Variants in PDZRN4 observed in about 807,000 individuals in gnomAD.
PDZRN4 encodes PDZ domain containing ring finger 4.
A neutral mutation model predicts 99.0 loss-of-function variants in PDZRN4; 70 were observed. The observed-to-expected ratio is 0.71, with a 90% CI of 0.58 to 0.86. The LOEUF is 0.86. PDZRN4 is among the 40% of genes least tolerant of loss of function. The pLI is 0.00. For missense variants in PDZRN4, 1,474 were observed against 1,331.2 expected (o/e 1.11, Z -1.67); for synonymous variants, 551 against 501.6 (o/e 1.10, Z -1.32).
At chr12:41,278,506 T>A (rs755786662) in intron 3 of PDZRN4, among the ~76,000 whole-genome samples, 3 of 152,196 alleles carry the variant, frequency 2.0e-5, no homozygotes, top group Non-Finnish European at 2.9e-5. Context: ...TATGGTGCAA[T>A]ATAAAGCATT....
chr12:41,221,618 A>T (rs1016943470), intron 3 of PDZRN4, among the ~76,000 whole-genome samples: 13 of 152,114 alleles, frequency 8.5e-5, no homozygotes, highest in African/African-American at 3.1e-4. Flanking sequence ...AGGAATTTTT[A>T]AAAGTGTAGT....
At chr12:41,533,707 A>T (rs894607121) in intron 5 of PDZRN4, among the ~76,000 whole-genome samples, 1 of 151,970 alleles carries the variant, frequency 6.6e-6, no homozygotes, top group Non-Finnish European at 1.5e-5. Context: ...GTATAGCTGG[A>T]TTATTATTGC....
chr12:41,472,003 C>CTG (rs561834660), intron 3 of PDZRN4, among the ~76,000 whole-genome samples: 1 of 140,182 alleles, frequency 7.1e-6, no homozygotes, highest in Non-Finnish European at 1.5e-5. Flanking sequence ...TTCTATATTA[C>CTG]TTTTTTTTTT....
intron 3 of PDZRN4, among the ~76,000 whole-genome samples, chr12:41,485,129 T>A (rs150626144): frequency 1.2e-4 from 18 of 152,262 alleles, no homozygotes; most frequent in African/African-American, 3.9e-4. Context: ...TAAGTTGCAG[T>A]AAATGCTAAT....
intron 3 of PDZRN4, among the ~76,000 whole-genome samples, chr12:41,353,390 G>A (rs1951905026): frequency 6.6e-6 from 1 of 152,036 alleles, no homozygotes; most frequent in African/African-American, 2.4e-5. Context: ...ATTGGTAGGA[G>A]TCAGACCTTA....
intron 3 of PDZRN4, among the ~76,000 whole-genome samples, chr12:41,357,208 C>T (rs376254445): frequency 2.9e-4 from 44 of 151,928 alleles, no homozygotes; most frequent in African/African-American, 9.6e-4. Context: ...CACAAAAACA[C>T]GAACACACAC....
intron 3 of PDZRN4, among the ~76,000 whole-genome samples, chr12:41,397,783 T>C (rs969488362): frequency 1.3e-5 from 2 of 152,166 alleles, no homozygotes; most frequent in Admixed American, 1.3e-4. Context: ...GAACTAATAA[T>C]ACTTTTATTA....
chr12:41,465,019 T>G (rs1193466573), intron 3 of PDZRN4, among the ~76,000 whole-genome samples: 1 of 152,070 alleles, frequency 6.6e-6, no homozygotes, highest in Non-Finnish European at 1.5e-5. Flanking sequence ...GAGATGGGGT[T>G]TTGCCATATT....
chr12:41,513,609 C>A (rs1259479445), intron 5 of PDZRN4, among the ~76,000 whole-genome samples: 1 of 152,086 alleles, frequency 6.6e-6, no homozygotes, highest in South Asian at 2.1e-4. Context: ...TTAAGCTTCT[C>A]CTCCTTTTAG....
intron 3 of PDZRN4, among the ~76,000 whole-genome samples, chr12:41,454,369 A>G (rs1413117764): frequency 6.6e-6 from 1 of 152,234 alleles, no homozygotes; most frequent in Non-Finnish European, 1.5e-5. Flanking sequence ...GAGTTAGAGG[A>G]AACAGTGTGG....
chr12:41,529,282 G>T (rs1314385425), intron 5 of PDZRN4, among the ~76,000 whole-genome samples: 1 of 152,064 alleles, frequency 6.6e-6, no homozygotes. Flanking sequence ...ATTACTGTCT[G>T]TATTACACTC....
At chr12:41,570,877 A>G (rs558939629) in intron 9 of PDZRN4, among the ~76,000 whole-genome samples, 1 of 152,308 alleles carries the variant, frequency 6.6e-6, no homozygotes, top group South Asian at 2.1e-4. Context: ...AAATGAAGGA[A>G]CATGTTCCAG....
At chr12:41,355,581 G>A (rs1359202837) in intron 3 of PDZRN4, among the ~76,000 whole-genome samples, 1 of 152,030 alleles carries the variant, frequency 6.6e-6, no homozygotes, top group Middle Eastern at 3.2e-3. Flanking sequence ...CAAAACATTT[G>A]CATATATGCA....
chr12:41,414,311 T>C (rs553617084), intron 3 of PDZRN4, among the ~76,000 whole-genome samples: 2 of 152,254 alleles, frequency 1.3e-5, no homozygotes, highest in South Asian at 4.1e-4. Flanking sequence ...TTTTGTATAG[T>C]ATTTGGAATG....
chr12:41,303,288 A>G (rs1424322678), intron 3 of PDZRN4, among the ~76,000 whole-genome samples: 1 of 152,104 alleles, frequency 6.6e-6, no homozygotes, highest in Admixed American at 6.6e-5. Context: ...TACAAAGGAG[A>G]TTTTTAGAGA....
intron 3 of PDZRN4, among the ~76,000 whole-genome samples, chr12:41,291,438 A>G (rs942733403): frequency 1.4e-4 from 22 of 152,320 alleles, no homozygotes; most frequent in Admixed American, 1.0e-3. Flanking sequence ...ACTTCTATAT[A>G]TACTTAAACT....
chr12:41,230,431 T>A (rs1951020971), intron 3 of PDZRN4, among the ~76,000 whole-genome samples: 1 of 152,052 alleles, frequency 6.6e-6, no homozygotes, highest in South Asian at 2.1e-4. Flanking sequence ...CGTCTTCTGT[T>A]AAAATACAAA....
At chr12:41,260,606 T>C (rs1267261203) in intron 3 of PDZRN4, among the ~76,000 whole-genome samples, 2 of 152,160 alleles carry the variant, frequency 1.3e-5, no homozygotes, top group African/African-American at 4.8e-5. Flanking sequence ...ATTAAAAATA[T>C]TATTTGCTAC....
intron 3 of PDZRN4, among the ~76,000 whole-genome samples, chr12:41,371,223 C>T (rs926612608): frequency 1.8e-4 from 27 of 150,794 alleles, no homozygotes; most frequent in African/African-American, 6.1e-4. Flanking sequence ...TCTTTCACTA[C>T]TTTTTATGTT....
Sources: gnomAD v4.1 joint callset for allele counts (sites outside exome capture counted in the v4.1 genomes callset) on GRCh38, gnomAD v4.1.1 for gene constraint, MANE v1.5 for transcripts, NCBI Gene and HGNC (gene_info 2026-07-23, HGNC 2026-07-21) for gene names.